The following DACT3 variants were observed in gnomAD, a reference collection of about 807,000 sequenced individuals.
The protein encoded by DACT3 is dishevelled binding antagonist of beta catenin 3, also known as dapper homolog 3.
A neutral mutation model predicts 19.6 loss-of-function variants in DACT3; 5 were observed. The ratio of observed to expected loss-of-function variants is 0.26; its 90% CI spans 0.13 to 0.54. The LOEUF (loss-of-function observed/expected upper bound fraction) is 0.54, where lower values mean the gene tolerates loss of function less well. Among genes scored for constraint, DACT3 ranks in the 20% least tolerant of loss-of-function variants. The probability of loss-of-function intolerance (pLI) is 0.95; values close to 1 mark genes in which losing one functional copy is unlikely to be tolerated. For synonymous variants in DACT3, 454 were observed against 428.1 expected (o/e 1.06, Z -0.75); for missense variants, 908 against 927.4 (o/e 0.98, Z 0.27).
At position 46,649,060 on chromosome 19, in the gene DACT3, G is replaced by T; in HGVS notation, c.1312C>A (p.Pro438Thr). Reference sequence around the variant, plus strand: ...GTGGGGTACTTAGGGGGCCCCGAAGGGACCGCGGAGGCGCGGCCCAGCAGG... The same window carrying T: ...GTGGGGTACTTAGGGGGCCCCGAAGTGACCGCGGAGGCGCGGCCCAGCAGG... The part of the protein sequence containing the change: ...TSLLGRASAV[P>T]SGPPKYPTAE... Residue 438 changes from proline to threonine, a missense_variant, in exon 4 of 4, where the codon CCT becomes ACT. Pro to Thr is a conservative substitution (Grantham distance 38). Coordinates refer to ENST00000391916, the MANE Select transcript of DACT3 (RefSeq NM_145056.3). The T allele has an allele frequency of 7.8e-7, 1 of 1,290,040 alleles. No homozygotes were observed. Among genetic ancestry groups the T allele is most frequent in the Non-Finnish European group, 9.8e-7 (1 of 1,021,400 alleles). 79.9% of individuals were successfully genotyped at this position (1,290,040 alleles called of 1,614,324 possible).
At chr19:46,659,262 A>G (rs1195629261) in intron 1 of DACT3, 1 of 983,412 alleles carries the variant, frequency 1.0e-6, no homozygotes, top group Non-Finnish European at 1.2e-6. Context: ...AGGCCTCTCC[A>G]CTATCAGCTC....
chr19:46,659,423 A>T (rs78059992), intron 1 of DACT3: 15,912 of 978,550 alleles, frequency 0.016, 488 homozygotes, highest in African/African-American at 0.12. Context: ...AGCTACCCCA[A>T]CCTCATGCCT....
intron 1 of DACT3, chr19:46,659,185 C>T (rs1360463495): frequency 6.1e-6 from 6 of 985,126 alleles, no homozygotes; most frequent in Non-Finnish European, 6.0e-6. Context: ...CCTCCTCCCC[C>T]CGCCTGCCAC....
At chr19:46,652,359 A>T (rs191136977) in intron 3 of DACT3, 2 of 430,406 alleles carry the variant, frequency 4.6e-6, no homozygotes, top group East Asian at 6.9e-5. Flanking sequence ...ACGCCCAACT[A>T]ATTTTTGTAT....
rs999989914 is a variant in DACT3 at position 46,654,750 on chromosome 19, G to A, written c.250-1675C>T. 5 of 985,246 alleles carry A rather than the reference G, an allele frequency of 5.1e-6. No individual in the cohort carries two copies. In the African/African-American group the frequency reaches 7.0e-5, roughly 14 times the overall value. 61.0% of individuals were successfully genotyped at this position (985,246 alleles called of 1,614,324 possible). On this transcript the variant is annotated intron_variant, in intron 1 of 3. Coordinates refer to ENST00000391916, the MANE Select transcript of DACT3 (RefSeq NM_145056.3). Reference sequence around the variant, plus strand: ...CAGGAGGGAGGGAAGTGGGGAGGAGGGTTTGGGAGGGCAGGCACCCAACCC... The same window carrying A: ...CAGGAGGGAGGGAAGTGGGGAGGAGAGTTTGGGAGGGCAGGCACCCAACCC...
chr19:46,661,100 G>A lies in DACT3; in HGVS notation c.-36C>T, dbSNP rs922627357. ...CCCCGCCCCAGCCCGGCCGGGCCCC[G>A]CGGCCACCCCTCTCCCGGTCCCACC... On this transcript the variant is annotated 5_prime_UTR_variant, in exon 1 of 4. Transcript: ENST00000391916. 2.9e-6 allele frequency: 4 copies of A among 1,384,878 alleles called. No homozygotes were observed. The African/African-American group carries it at 6.2e-5, about 21-fold the overall frequency. 85.8% of individuals were successfully genotyped at this position (1,384,878 alleles called of 1,614,324 possible). A position where few individuals can be genotyped will look rare whatever the true frequency, so the allele number is the denominator to read the frequency against.
intron 1 of DACT3, chr19:46,654,636 G>T: frequency 1.0e-6 from 1 of 985,462 alleles, no homozygotes; most frequent in Non-Finnish European, 1.2e-6. Flanking sequence ...GCCAGAAAAA[G>T]TCTCACATGG....
Position 46,648,079 on chromosome 19 carries a change from GAGGAATGAGAGGGCTCATC to G in DACT3, c.*384_*402del, listed in dbSNP as rs1350392628. ...GGGGGCCATAGCTGGGCAAGGAAAG[GAGGAATGAGAGGGCTCATC>G]AGGAATGAGAGGGAGAGCGGTGGAG... On this transcript the variant is annotated 3_prime_UTR_variant, in exon 4 of 4. Transcript: ENST00000391916. This position sits in a 1 kb window ranked among gnomAD's most constrained non-coding sequence, Gnocchi z 5.1. 1.0e-5 allele frequency: 2 copies of G among 196,586 alleles called. No homozygotes were observed. The highest frequency in any genetic ancestry group is 2.4e-5 in the African/African-American group (1 of 41,922). The allele number at this position is 196,586 out of a possible 1,614,324, so 12.2% of individuals were successfully genotyped here. A position where few individuals can be genotyped will look rare whatever the true frequency, so the allele number is the denominator to read the frequency against.
In DACT3 at chr19:46,648,629, C is replaced by A. The variant is rs751795844; in HGVS notation, c.1743G>T (p.Ala581=). The A allele has an allele frequency of 2.5e-6, 4 of 1,612,722 alleles. No individual in the cohort carries two copies. The South Asian group carries it at 4.4e-5, about 18-fold the overall frequency. The change falls in exon 4 of 4, where the codon GCG becomes GCT. Residue 581 remains alanine, a synonymous_variant. Transcript: ENST00000391916. This position sits in a 1 kb window ranked among gnomAD's most constrained non-coding sequence, Gnocchi z 5.1. The part of the protein sequence containing the change: ...GGLVWPQQLV[A]ATAASGGGAG... The stretch of plus-strand genomic sequence containing the variant: ...CTCCACCCCCAGAGGCCGCGGTGGC[C>A]GCCACCAGCTGCTGCGGCCACACGA...
chr19:46,654,693 G>T, intron 1 of DACT3: 1 of 985,428 alleles, frequency 1.0e-6, no homozygotes, highest in Non-Finnish European at 1.2e-6. Context: ...GCTGACGGTT[G>T]ACCCTCAGAC....
chr19:46,650,126 TA>T, intron 3 of DACT3: 1 of 134,628 alleles, frequency 7.4e-6, no homozygotes, highest in Non-Finnish European at 1.4e-5. Flanking sequence ...TCTTACCCCC[TA>T]TTTTTTTTTT....
chr19:46,652,834 A>G (rs775257702), intron 2 of DACT3, 22 bp from the exon 3 acceptor site: 1 of 1,547,184 alleles, frequency 6.5e-7, no homozygotes, highest in Admixed American at 2.0e-5. Flanking sequence ...GGAGAAGCAG[A>G]GAGACTTCAG....
At chr19:46,651,699 G>A (rs2052987727) in intron 3 of DACT3, 1 of 141,928 alleles carries the variant, frequency 7.0e-6, no homozygotes, top group South Asian at 2.3e-4. Context: ...TGTGGTTGGT[G>A]TTTTATTTTT....
intron 1 of DACT3, among the ~76,000 whole-genome samples, chr19:46,656,454 C>T (rs961253395): frequency 6.6e-6 from 1 of 151,992 alleles, no homozygotes; most frequent in African/African-American, 2.4e-5. Flanking sequence ...CTCAGGTGAT[C>T]CTACCACCTC....
intron 1 of DACT3, chr19:46,655,181 A>C (rs1341399712): frequency 7.2e-5 from 30 of 419,164 alleles, no homozygotes; most frequent in Non-Finnish European, 9.6e-5. Context: ...TTTCCCCCAC[A>C]TACCTTCCTT....
intron 1 of DACT3, among the ~76,000 whole-genome samples, chr19:46,657,342 G>GTTTC (rs1166086881): frequency 3.0e-5 from 4 of 135,548 alleles, no homozygotes; most frequent in African/African-American, 1.1e-4. Flanking sequence ...GATTAAATGA[G>GTTTC]TTTCTTTTTT....
At position 46,652,748 on chromosome 19, in the gene DACT3, G is replaced by C; in HGVS notation, c.411C>G (p.Asp137Glu). The C allele has an allele frequency of 6.4e-7, 1 of 1,551,670 alleles. No individual in the cohort carries two copies. The highest frequency in any genetic ancestry group is 8.7e-7 in the Non-Finnish European group (1 of 1,146,996). Reference sequence around the variant, plus strand: ...AGGAGCTGGATCCAGAGAAGCCACTGTCCCCACAGAAGGTTGAGGGTGGTG... The same window carrying C: ...AGGAGCTGGATCCAGAGAAGCCACTCTCCCCACAGAAGGTTGAGGGTGGTG... Reference protein sequence around the residue: ...PDSPPSTFCGDSGFSGSSSYG... With the variant: ...PDSPPSTFCGESGFSGSSSYG... Residue 137 changes from aspartate (D) to glutamate (E), a missense_variant, in exon 3 of 4, where the codon GAC becomes GAG. This residue lies in a region of DACT3 where 252 missense variants were observed against 325.6 expected (regional missense o/e 0.77). Transcript: ENST00000391916.
rs1458997352 is a variant in DACT3, at chr19:46,660,407, G to GCTCT, written c.249+408_249+409insAGAG. On this transcript the variant is annotated intron_variant, in intron 1 of 3. Coordinates refer to ENST00000391916, the MANE Select transcript of DACT3 (RefSeq NM_145056.3). This position sits in a 1 kb window ranked among gnomAD's most constrained non-coding sequence, Gnocchi z 4.9. Reference sequence around the variant, plus strand: ...GTTTGGAGCCTGGCTGTGTCACCTTGGGTGAGTCGCTTGCTCTCTCTGAGC... The same window carrying GCTCT: ...GTTTGGAGCCTGGCTGTGTCACCTTGCTCTGGTGAGTCGCTTGCTCTCTCTGAGC... 6 of 165,530 alleles carry GCTCT rather than the reference G, an allele frequency of 3.6e-5. No homozygotes were observed. 10.3% of individuals were successfully genotyped at this position (165,530 alleles called of 1,614,324 possible).
In DACT3 at chr19:46,649,047, G is replaced by A. The variant is rs989559295; in HGVS notation, c.1325C>T (p.Pro442Leu). 6.8e-5 allele frequency: 87 copies of A among 1,282,992 alleles called. No homozygotes were observed. The highest frequency in any genetic ancestry group is 5.9e-4 in the Middle Eastern group (2 of 3,380). 79.5% of individuals were successfully genotyped at this position (1,282,992 alleles called of 1,614,324 possible). The stretch of plus-strand genomic sequence containing the variant: ...TTCCCGCTCCGCCGTGGGGTACTTA[G>A]GGGGCCCCGAAGGGACCGCGGAGGC... ...GRASAVPSGP[P>L]KYPTAEREEP... Residue 442 changes from proline to leucine, a missense_variant, in exon 4 of 4, where the codon CCT becomes CTT. Coordinates refer to ENST00000391916, the MANE Select transcript of DACT3 (RefSeq NM_145056.3).
Sources: gnomAD v4.1 joint callset for allele counts (sites outside exome capture counted in the v4.1 genomes callset) on GRCh38, gnomAD v4.1.1 for gene constraint, gnomAD v4.1.1 regional missense constraint, Gnocchi (gnomAD v3.1) non-coding constraint, MANE v1.5 for transcripts, NCBI Gene and HGNC (gene_info 2026-07-23, HGNC 2026-07-21) for gene names.